The following NMNAT2 variants were observed in gnomAD, a reference collection of about 807,000 sequenced individuals.
The protein encoded by NMNAT2 is nicotinamide/nicotinic acid mononucleotide adenylyltransferase 2.
NMNAT2 carries 11 observed loss-of-function variants against 41.6 expected under a neutral mutation model. The ratio of observed to expected loss-of-function variants is 0.26; its 90% CI spans 0.17 to 0.44. The LOEUF is 0.44. Ranked by LOEUF, NMNAT2 falls within the 20% of genes least tolerant of loss-of-function variation. The pLI, the probability that NMNAT2 is intolerant of heterozygous loss-of-function variation, is 1.00. For synonymous variants in NMNAT2, 148 were observed against 151.2 expected, an observed-to-expected ratio of 0.98 and a Z score of 0.16; for missense variants, 288 against 407.7, an observed-to-expected ratio of 0.71 and a Z score of 2.53.
At chr1:183,405,057 T>C (rs76684605) in intron 1 of NMNAT2, among the ~76,000 whole-genome samples, 1 of 151,910 alleles carries the variant, frequency 6.6e-6, no homozygotes, top group African/African-American at 2.4e-5. Context: ...CCCATCTCTA[T>C]AAAAAAGCAA....
intron 1 of NMNAT2, among the ~76,000 whole-genome samples, chr1:183,331,944 C>T (rs569430272): frequency 1.3e-5 from 2 of 152,266 alleles, no homozygotes; most frequent in Non-Finnish European, 2.9e-5. Flanking sequence ...CCACCACGCC[C>T]GGCTAATTTT....
chr1:183,378,281 C>T (rs1211995225), intron 1 of NMNAT2, among the ~76,000 whole-genome samples: 3 of 151,966 alleles, frequency 2.0e-5, no homozygotes, highest in Admixed American at 6.6e-5. Flanking sequence ...GTAATCCCAG[C>T]TACTCAGGAG....
chr1:183,393,871 T>C (rs2101922849), intron 1 of NMNAT2, among the ~76,000 whole-genome samples: 2 of 152,242 alleles, frequency 1.3e-5, no homozygotes, highest in South Asian at 4.1e-4. Flanking sequence ...TCTTGATTTA[T>C]TCAAAAAAAC....
At chr1:183,372,626 C>T (rs1204784355) in intron 1 of NMNAT2, among the ~76,000 whole-genome samples, 3 of 152,214 alleles carry the variant, frequency 2.0e-5, no homozygotes, top group Admixed American at 6.5e-5. Context: ...GGTTCCTTGA[C>T]CTCTTTCTTC....
chr1:183,274,632 C>T (rs1490048463), intron 8 of NMNAT2, among the ~76,000 whole-genome samples: 1 of 151,518 alleles, frequency 6.6e-6, no homozygotes, highest in Non-Finnish European at 1.5e-5. Context: ...TGCCTTTAAA[C>T]TCATTGAAGA....
chr1:183,382,474 G>C (rs1318483281), intron 1 of NMNAT2, among the ~76,000 whole-genome samples: 1 of 152,074 alleles, frequency 6.6e-6, no homozygotes, highest in Non-Finnish European at 1.5e-5. Context: ...ACTCATTTCA[G>C]CATTAACTCA....
chr1:183,389,813 A>G (rs1256395848), intron 1 of NMNAT2, among the ~76,000 whole-genome samples: 55 of 68,194 alleles, frequency 8.1e-4, no homozygotes, highest in East Asian at 1.3e-3. Flanking sequence ...AGAAAGAAAG[A>G]AAGAAAGAAA....
At chr1:183,411,163 T>C (rs1649106845) in intron 1 of NMNAT2, among the ~76,000 whole-genome samples, 3 of 152,220 alleles carry the variant, frequency 2.0e-5, no homozygotes. Flanking sequence ...TCACCTCTTT[T>C]GTAACACTTT....
intron 1 of NMNAT2, among the ~76,000 whole-genome samples, chr1:183,294,653 G>A (rs890900841): frequency 3.3e-5 from 5 of 152,120 alleles, no homozygotes; most frequent in Non-Finnish European, 4.4e-5. Flanking sequence ...AGCCAGACGC[G>A]GTGGCAGGCG....
At chr1:183,276,224 A>G (rs566142100) in intron 8 of NMNAT2, among the ~76,000 whole-genome samples, 1 of 152,300 alleles carries the variant, frequency 6.6e-6, no homozygotes, top group African/African-American at 2.4e-5. Flanking sequence ...GGACTTGCCA[A>G]GTAGTCAAGT....
At chr1:183,342,341 C>CA (rs1287341203) in intron 1 of NMNAT2, among the ~76,000 whole-genome samples, 2 of 151,962 alleles carry the variant, frequency 1.3e-5, no homozygotes, top group Non-Finnish European at 2.9e-5. Flanking sequence ...AAAATTTTTC[C>CA]AAAAAATAAC....
intron 5 of NMNAT2, among the ~76,000 whole-genome samples, 169 bp from the exon 6 acceptor site, chr1:183,284,959 C>G (rs1050677512): frequency 2.6e-5 from 4 of 152,174 alleles, no homozygotes; most frequent in African/African-American, 9.7e-5. Context: ...AGAAATATGA[C>G]AGCACAAATT....
At chr1:183,292,601 A>G (rs1481261036) in intron 3 of NMNAT2, among the ~76,000 whole-genome samples, 189 bp downstream of exon 3, 1 of 152,226 alleles carries the variant, frequency 6.6e-6, no homozygotes, top group Non-Finnish European at 1.5e-5. Flanking sequence ...TGGGCCTCAC[A>G]GTTTGGTTCA....
chr1:183,355,067 C>A (rs542620744), intron 1 of NMNAT2, among the ~76,000 whole-genome samples: 1 of 152,236 alleles, frequency 6.6e-6, no homozygotes, highest in African/African-American at 2.4e-5. Context: ...CCCTGGCCCA[C>A]CCACTGCACT....
intron 1 of NMNAT2, among the ~76,000 whole-genome samples, chr1:183,357,315 C>T (rs981086686): frequency 3.3e-5 from 5 of 150,274 alleles, no homozygotes; most frequent in Admixed American, 6.7e-5. Context: ...CTGCAAGCTC[C>T]GCCTCCCGGG....
At chr1:183,256,774 C>CT (rs899239958) in intron 10 of NMNAT2, among the ~76,000 whole-genome samples, 17 of 151,478 alleles carry the variant, frequency 1.1e-4, no homozygotes, top group Admixed American at 3.3e-4. Context: ...CTTGTGGTGT[C>CT]TTTTTTTTTC....
chr1:183,255,804 C>T (rs988153537), intron 10 of NMNAT2, among the ~76,000 whole-genome samples: 1 of 151,812 alleles, frequency 6.6e-6, no homozygotes, highest in Admixed American at 6.6e-5. Flanking sequence ...GCTCGGATTA[C>T]AGGCACAAGC....
chr1:183,315,775 G>A (rs1662234357), intron 1 of NMNAT2, among the ~76,000 whole-genome samples: 2 of 99,278 alleles, frequency 2.0e-5, no homozygotes, highest in Admixed American at 1.1e-4. Flanking sequence ...AGCAGACTCC[G>A]TGTAAAAAAA....
intron 8 of NMNAT2, among the ~76,000 whole-genome samples, chr1:183,263,888 C>G (rs1478009643): frequency 6.6e-6 from 1 of 152,088 alleles, no homozygotes; most frequent in African/African-American, 2.4e-5. Context: ...TTTAAATTCC[C>G]CAGATAATAT....
Sources: gnomAD v4.1 joint callset for allele counts (sites outside exome capture counted in the v4.1 genomes callset) on GRCh38, gnomAD v4.1.1 for gene constraint, MANE v1.5 for transcripts, NCBI Gene and HGNC (gene_info 2026-07-23, HGNC 2026-07-21) for gene names.